The following PRKG1 variants were observed in gnomAD, a reference collection of about 807,000 sequenced individuals.
The protein encoded by PRKG1 is cGMP-dependent protein kinase 1.
PRKG1 carries 35 observed loss-of-function variants against 88.1 expected under a neutral mutation model. The ratio of observed to expected loss-of-function variants is 0.40; its 90% confidence interval spans 0.30 to 0.53. The LOEUF (loss-of-function observed/expected upper bound fraction) is 0.53. Among genes scored for constraint, PRKG1 ranks in the 20% least tolerant of loss-of-function variants. The pLI, the probability that PRKG1 is intolerant of heterozygous loss-of-function variation, is 0.59. For synonymous variants in PRKG1, 303 were observed against 292.5 expected, an observed-to-expected ratio of 1.04 and a Z score of -0.37; for missense variants, 540 against 839.8, an observed-to-expected ratio of 0.64 and a Z score of 4.41.
At chr10:51,535,294 A>G (rs959803305) in intron 3 of PRKG1, among the ~76,000 whole-genome samples, 12 of 152,174 alleles carry the variant, frequency 7.9e-5, no homozygotes, top group Admixed American at 4.6e-4. Flanking sequence ...TCTTCTCCCT[A>G]TGCAGTATTA....
chr10:51,234,453 T>G (rs888584238), intron 2 of PRKG1, among the ~76,000 whole-genome samples: 22 of 152,196 alleles, frequency 1.4e-4, no homozygotes, highest in Non-Finnish European at 3.2e-4. Flanking sequence ...AAATATTGCT[T>G]GAATACATTT....
At chr10:51,281,146 G>A (rs61852083) in intron 2 of PRKG1, among the ~76,000 whole-genome samples, 1 of 152,188 alleles carries the variant, frequency 6.6e-6, no homozygotes, top group Non-Finnish European at 1.5e-5. Flanking sequence ...CTGTTTGCCT[G>A]GGTATCAGCA....
At chr10:51,995,404 G>C (rs1844414885) in intron 5 of PRKG1, among the ~76,000 whole-genome samples, 1 of 152,086 alleles carries the variant, frequency 6.6e-6, no homozygotes, top group African/African-American at 2.4e-5. Context: ...GGATAATAAA[G>C]GTGAGAATTA....
At chr10:51,255,159 T>C (rs1207976320) in intron 2 of PRKG1, among the ~76,000 whole-genome samples, 1 of 152,082 alleles carries the variant, frequency 6.6e-6, no homozygotes, top group East Asian at 1.9e-4. Flanking sequence ...ATACAGAATT[T>C]TAAGAATATA....
intron 1 of PRKG1, 152 bp downstream of exon 1, chr10:51,075,053 C>A: frequency 8.5e-7 from 1 of 1,178,668 alleles, no homozygotes; most frequent in Non-Finnish European, 1.2e-6. Flanking sequence ...TCTTGCGGGG[C>A]TGTGCACGTT....
chr10:51,176,413 A>C (rs999687900), intron 2 of PRKG1, among the ~76,000 whole-genome samples: 1 of 152,124 alleles, frequency 6.6e-6, no homozygotes, highest in African/African-American at 2.4e-5. Context: ...TAGCATATAT[A>C]AATATGAGCC....
intron 3 of PRKG1, among the ~76,000 whole-genome samples, chr10:51,728,572 TATCTC>T (rs1842196956): frequency 7.4e-4 from 1 of 1,356 alleles, no homozygotes; most frequent in Non-Finnish European, 1.3e-3. Flanking sequence ...ACAGAGTACT[TATCTC>T]AGAAGGGTTG....
intron 5 of PRKG1, among the ~76,000 whole-genome samples, chr10:52,000,282 C>T (rs911498637): frequency 3.3e-5 from 5 of 151,316 alleles, no homozygotes; most frequent in African/African-American, 1.2e-4. Context: ...TTTTCGTAGA[C>T]TATACATAAA....
At chr10:51,705,151 C>T (rs1841575327) in intron 3 of PRKG1, among the ~76,000 whole-genome samples, 1 of 152,030 alleles carries the variant, frequency 6.6e-6, no homozygotes, top group Non-Finnish European at 1.5e-5. Flanking sequence ...GTCAGGGATG[C>T]TTCCTTTTTT....
At chr10:51,818,993 C>T (rs1441893804) in intron 4 of PRKG1, among the ~76,000 whole-genome samples, 2 of 85,792 alleles carry the variant, frequency 2.3e-5, no homozygotes, top group Admixed American at 1.6e-4. Flanking sequence ...GGCGACAGAG[C>T]GAGACTCCGT....
chr10:51,334,421 G>A (rs1424168545), intron 2 of PRKG1, among the ~76,000 whole-genome samples: 1 of 152,046 alleles, frequency 6.6e-6, no homozygotes, highest in Non-Finnish European at 1.5e-5. Context: ...CCGTGGCCTG[G>A]AATATAATAG....
chr10:51,601,626 C>A (rs1838602836), intron 3 of PRKG1, among the ~76,000 whole-genome samples: 1 of 151,396 alleles, frequency 6.6e-6, no homozygotes, highest in Non-Finnish European at 1.5e-5. Context: ...AGCATGTGAC[C>A]CTTTTAGCCT....
rs543423392 is a variant in PRKG1 at position 51,759,911 on chromosome 10, G to A, written c.593-44674G>A. 2.0e-5 allele frequency among the ~76,000 whole-genome samples: 3 copies of A among 152,252 alleles called. No homozygotes were observed. The South Asian group carries it at 6.2e-4, about 32-fold the overall frequency. ...TACTTTTAAAACAATGGTTTTCAGA[G>A]TTCTAGTTTTATTATTGTTGGTACA... On this transcript the variant is annotated intron_variant, in intron 3 of 17. Transcript: ENST00000373980.
chr10:51,230,882 T>A (rs879576661), intron 2 of PRKG1, among the ~76,000 whole-genome samples: 4 of 152,014 alleles, frequency 2.6e-5, no homozygotes, highest in Non-Finnish European at 5.9e-5. Context: ...GCAGAACCCA[T>A]GAATGTGGAG....
intron 3 of PRKG1, among the ~76,000 whole-genome samples, chr10:51,710,988 C>T (rs1007565917): frequency 3.3e-5 from 5 of 152,202 alleles, no homozygotes; most frequent in Non-Finnish European, 7.3e-5. Flanking sequence ...TGAGCCACTG[C>T]GCCCAGCCAG....
intron 4 of PRKG1, among the ~76,000 whole-genome samples, chr10:51,822,806 C>T (rs182273894): frequency 6.6e-6 from 1 of 152,100 alleles, no homozygotes; most frequent in South Asian, 2.1e-4. Flanking sequence ...GCCCAGGGGA[C>T]AACTTTAAGA....
At chr10:51,943,819 G>T (rs936488166) in intron 5 of PRKG1, among the ~76,000 whole-genome samples, 1 of 151,990 alleles carries the variant, frequency 6.6e-6, no homozygotes, top group African/African-American at 2.4e-5. Flanking sequence ...TGATCATGGT[G>T]GATAAGCTTC....
At chr10:52,143,345 A>T (rs1837637669) in intron 8 of PRKG1, among the ~76,000 whole-genome samples, 1 of 152,124 alleles carries the variant, frequency 6.6e-6, no homozygotes, top group Non-Finnish European at 1.5e-5. Context: ...CGGGGCTGTC[A>T]TGTACAAAGT....
At chr10:51,076,006 C>G (rs796069012) in intron 1 of PRKG1, among the ~76,000 whole-genome samples, 1 of 152,174 alleles carries the variant, frequency 6.6e-6, no homozygotes, top group East Asian at 1.9e-4. Flanking sequence ...GCACGTGTTA[C>G]GTAATAATGC....
Sources: gnomAD v4.1 joint callset for allele counts (sites outside exome capture counted in the v4.1 genomes callset) on GRCh38, gnomAD v4.1.1 for gene constraint, MANE v1.5 for transcripts, NCBI Gene and HGNC (gene_info 2026-07-23, HGNC 2026-07-21) for gene names.